The following IGF2BP2 variants were observed in gnomAD, a reference collection of about 807,000 sequenced individuals.
IGF2BP2 encodes the protein insulin-like growth factor 2 mRNA-binding protein 2.
Under a neutral mutation model 75.8 loss-of-function variants are expected in IGF2BP2, and 17 were observed. The ratio of observed to expected loss-of-function variants is 0.22; its 90% CI spans 0.15 to 0.34. The LOEUF is 0.34. Ranked by LOEUF, IGF2BP2 falls within the 10% of genes least tolerant of loss-of-function variation. IGF2BP2 has a pLI of 1.00. For missense variants in IGF2BP2, 516 were observed against 772.4 expected (o/e 0.67, Z 3.93); for synonymous variants, 288 against 295.6 (o/e 0.97, Z 0.26).
intron 2 of IGF2BP2, among the ~76,000 whole-genome samples, chr3:185,806,153 G>A (rs1175851062): frequency 6.6e-6 from 1 of 152,076 alleles, no homozygotes; most frequent in Non-Finnish European, 1.5e-5. Flanking sequence ...GACAGTCAGG[G>A]AGTTCTCTCT....
chr3:185,779,444 T>TGGTCCAAATTCTGGCAAA (rs1177056975), intron 2 of IGF2BP2, among the ~76,000 whole-genome samples: 1 of 152,230 alleles, frequency 6.6e-6, no homozygotes, highest in Non-Finnish European at 1.5e-5. Context: ...CTGGGGGCTA[T>TGGTCCAAATTCTGGCAAA]GGTCCAAATT....
chr3:185,716,546 G>T (rs752944699), intron 2 of IGF2BP2: 2 of 520,130 alleles, frequency 3.8e-6, no homozygotes, highest in East Asian at 1.1e-4. Context: ...CTCCTCAGAT[G>T]CCAAGACTGC....
At chr3:185,808,133 AAAG>A (rs1346684941) in intron 2 of IGF2BP2, among the ~76,000 whole-genome samples, 9,126 of 68,276 alleles carry the variant, frequency 0.13, 726 homozygotes, top group African/African-American at 0.43. Flanking sequence ...AAAAAAAAAA[AAAG>A]AAAGAAAGAA....
At chr3:185,784,881 TGAGG>T (rs1473539832) in intron 2 of IGF2BP2, among the ~76,000 whole-genome samples, 1 of 152,244 alleles carries the variant, frequency 6.6e-6, no homozygotes, top group Non-Finnish European at 1.5e-5. Flanking sequence ...TCTTTGCCTG[TGAGG>T]CAAGTCAGGA....
At chr3:185,768,469 C>T (rs1466359869) in intron 2 of IGF2BP2, among the ~76,000 whole-genome samples, 1 of 152,168 alleles carries the variant, frequency 6.6e-6, no homozygotes, top group African/African-American at 2.4e-5. Flanking sequence ...TAAAGAACTG[C>T]ATGTTAACCC....
intron 2 of IGF2BP2, among the ~76,000 whole-genome samples, chr3:185,767,390 T>TTAC (rs1306225500): frequency 6.6e-6 from 1 of 152,224 alleles, no homozygotes; most frequent in African/African-American, 2.4e-5. Context: ...CCCACCATCA[T>TTAC]TACTATCTTC....
rs545277832 is a variant in IGF2BP2, at chr3:185,704,847, C to G, written c.240-6500G>C. On this transcript the variant is annotated intron_variant, in intron 2 of 15. Transcript: ENST00000382199. ...AGTCAATGAAAAAAAATTGTTTAGT[C>G]ACTTTCTTTGTTGCAAAATGACTAA... is the stretch of plus-strand genomic sequence containing the variant. Among the ~76,000 whole-genome samples the G allele has an allele frequency of 7.2e-5, 11 of 152,280 alleles. No individual in the cohort carries two copies. The South Asian group carries it at 2.3e-3, about 32-fold the overall frequency.
chr3:185,724,882 T>C (rs951424358), intron 2 of IGF2BP2: 2 of 152,216 alleles, frequency 1.3e-5, no homozygotes, highest in African/African-American at 4.8e-5. Context: ...CTTCTGAACA[T>C]GGTGACAGTG....
At chr3:185,776,177 C>A (rs1050204096) in intron 2 of IGF2BP2, among the ~76,000 whole-genome samples, 1 of 152,114 alleles carries the variant, frequency 6.6e-6, no homozygotes, top group African/African-American at 2.4e-5. Flanking sequence ...CCCAGGAATT[C>A]AAGGCTGTAG....
chr3:185,669,577 G>T lies in IGF2BP2; in HGVS notation c.1200+2964C>A, dbSNP rs1035812767. Among the ~76,000 whole-genome samples the T allele has an allele frequency of 4.6e-4, 67 of 147,246 alleles. 3 individuals carry two copies. Among genetic ancestry groups the T allele is most frequent in the East Asian group, 3.1e-3 (15 of 4,862 alleles). ...AAAACAGTAAAAAAAAAAAAAAAGG[G>T]GGGGGGGTAAAGTTTTCCTACACAC... On this transcript the variant is annotated intron_variant, in intron 10 of 15. Transcript: ENST00000382199.
At chr3:185,666,612 G>C (rs970526714) in intron 10 of IGF2BP2, among the ~76,000 whole-genome samples, 6 of 151,962 alleles carry the variant, frequency 3.9e-5, no homozygotes, top group Non-Finnish European at 7.4e-5. Flanking sequence ...CTGGGCGACA[G>C]AGCAAGACTC....
In IGF2BP2 at chr3:185,645,855, G is replaced by A. The variant is rs917625574; in HGVS notation, c.1708-232C>T. On this transcript the variant is annotated intron_variant, in intron 15 of 15. Coordinates refer to ENST00000382199, the MANE Select transcript of IGF2BP2 (RefSeq NM_006548.6). The surrounding 1 kb of genome is among the most constrained non-coding windows in gnomAD (Gnocchi z 4.9). ...GTCCAGGGTAAGGGGATGGGACTCC[G>A]GCAGCTTCCAGTTCACTGCTGGACG... Among the ~76,000 whole-genome samples, 3 of 152,112 alleles carry A rather than the reference G, an allele frequency of 2.0e-5. No homozygotes were observed. Among genetic ancestry groups the A allele is most frequent in the Admixed American group, 6.6e-5 (1 of 15,266 alleles).
intron 7 of IGF2BP2, among the ~76,000 whole-genome samples, chr3:185,684,240 C>T (rs1333197357): frequency 6.6e-6 from 1 of 152,048 alleles, no homozygotes; most frequent in Admixed American, 6.6e-5. Flanking sequence ...CTCTGTTCTC[C>T]TATATCTTCT....
intron 10 of IGF2BP2, among the ~76,000 whole-genome samples, chr3:185,671,918 GT>G (rs1451533871): frequency 6.6e-6 from 1 of 152,196 alleles, no homozygotes; most frequent in Non-Finnish European, 1.5e-5. Context: ...CCCCAATTTG[GT>G]AATGTACTGA....
At chr3:185,666,174 CTT>C (rs768291607) in intron 10 of IGF2BP2, among the ~76,000 whole-genome samples, 8 of 152,284 alleles carry the variant, frequency 5.3e-5, no homozygotes, top group Non-Finnish European at 1.2e-4. Flanking sequence ...TCTGTTAAAA[CTT>C]GTTTGAGAAA....
At chr3:185,660,268 G>A (rs536524896) in intron 10 of IGF2BP2, among the ~76,000 whole-genome samples, 2 of 152,346 alleles carry the variant, frequency 1.3e-5, no homozygotes, top group South Asian at 2.1e-4. Flanking sequence ...CCTCCAGGAA[G>A]ACGATTCCAA....
intron 2 of IGF2BP2, among the ~76,000 whole-genome samples, chr3:185,820,693 C>T (rs1396115949): frequency 6.6e-6 from 1 of 152,022 alleles, no homozygotes; most frequent in African/African-American, 2.4e-5. Flanking sequence ...AAGATAAAAA[C>T]ATCTCCTCCC....
intron 2 of IGF2BP2, among the ~76,000 whole-genome samples, chr3:185,808,117 T>TA (rs1188624871): frequency 2.0e-3 from 257 of 128,068 alleles, no homozygotes; most frequent in Middle Eastern, 3.9e-3. Context: ...TCGTTTCTTT[T>TA]AAAAAAAAAA....
At chr3:185,725,869 G>A (rs1418796961) in intron 2 of IGF2BP2, among the ~76,000 whole-genome samples, 1 of 152,142 alleles carries the variant, frequency 6.6e-6, no homozygotes, top group Non-Finnish European at 1.5e-5. Context: ...TACTTGGGAG[G>A]CTGAGGATCA....
Sources: gnomAD v4.1 joint callset for allele counts (sites outside exome capture counted in the v4.1 genomes callset) on GRCh38, gnomAD v4.1.1 for gene constraint, Gnocchi (gnomAD v3.1) non-coding constraint, MANE v1.5 for transcripts, NCBI Gene and HGNC (gene_info 2026-07-23, HGNC 2026-07-21) for gene names.